The following FXYD5 variants were observed in gnomAD, a reference collection of about 807,000 sequenced individuals.
FXYD5 encodes FXYD domain containing ion transport regulator 5.
FXYD5 carries 21 observed loss-of-function variants against 25.7 expected under a neutral mutation model. The ratio of observed to expected loss-of-function variants is 0.82; its 90% confidence interval spans 0.58 to 1.18. The LOEUF is 1.18. Among genes scored for constraint, FXYD5 ranks in the 50% most tolerant of loss-of-function variants. FXYD5 has a pLI of 0.00. For missense variants in FXYD5, 229 were observed against 227.7 expected (o/e 1.01, Z -0.04); for synonymous variants, 101 against 90.7 (o/e 1.11, Z -0.64).
intron 1 of FXYD5, chr19:35,155,281 G>A: frequency 1.8e-6 from 1 of 542,362 alleles, no homozygotes; most frequent in Non-Finnish European, 3.3e-6. Context: ...AGGAGTGCCC[G>A]CCGGCCCTTG....
At position 35,157,507 on chromosome 19, in the gene FXYD5, G is replaced by A. The variant is rs1436038038; in HGVS notation, c.142+6G>A. 14 of 1,402,824 alleles carry A rather than the reference G, an allele frequency of 1.0e-5. No homozygotes were observed. The highest frequency in any genetic ancestry group is 1.2e-5 in the Non-Finnish European group (12 of 988,136). 86.9% of individuals were successfully genotyped at this position (1,402,824 alleles called of 1,614,324 possible). On this transcript the variant is annotated splice_donor_region_variant and intron_variant, in intron 3 of 8. Transcript: ENST00000392219. ...GGTCCCGACACGAGCCCCAGGTGAG[G>A]AAAGGGACACATCTATCAAGATCCT... is the stretch of plus-strand genomic sequence containing the variant.
At chr19:35,168,526 G>T (rs1392236110) in intron 8 of FXYD5, among the ~76,000 whole-genome samples, 2 of 152,186 alleles carry the variant, frequency 1.3e-5, no homozygotes, top group African/African-American at 2.4e-5. Flanking sequence ...GGACAGGGTA[G>T]GTTGGGGGAG....
At chr19:35,159,798 C>T in intron 4 of FXYD5, 1 of 887,702 alleles carries the variant, frequency 1.1e-6, no homozygotes, top group Non-Finnish European at 1.6e-6. Context: ...TTCAAGGTCT[C>T]ACAACAAGTC....
chr19:35,156,277 A>C (rs1015152910), intron 2 of FXYD5, among the ~76,000 whole-genome samples: 2 of 152,212 alleles, frequency 1.3e-5, no homozygotes, highest in African/African-American at 4.8e-5. Context: ...TGCATGCCCC[A>C]CTGAAGGCGC....
chr19:35,168,209 G>A (rs1216545923), intron 8 of FXYD5, among the ~76,000 whole-genome samples: 3 of 152,190 alleles, frequency 2.0e-5, no homozygotes, highest in Non-Finnish European at 4.4e-5. Context: ...AACCTGTGCT[G>A]GGTGATGCTG....
At chr19:35,160,500 C>T (rs754387869) in intron 4 of FXYD5, among the ~76,000 whole-genome samples, 15 of 152,142 alleles carry the variant, frequency 9.9e-5, no homozygotes, top group Non-Finnish European at 2.1e-4. Flanking sequence ...GCATGAGCGA[C>T]CACGCCCAGC....
At chr19:35,163,777 C>G (rs1003512152) in intron 5 of FXYD5, among the ~76,000 whole-genome samples, 5 of 152,122 alleles carry the variant, frequency 3.3e-5, no homozygotes, top group Non-Finnish European at 2.9e-5. Context: ...GCCACTGCAC[C>G]CAGCCAATAT....
intron 8 of FXYD5, among the ~76,000 whole-genome samples, chr19:35,168,188 A>C (rs1292092413): frequency 1.3e-5 from 2 of 152,084 alleles, no homozygotes; most frequent in Non-Finnish European, 2.9e-5. Context: ...GTGGGCTCCT[A>C]GTCTGTGCCA....
At chr19:35,155,482 T>G in intron 1 of FXYD5, 69 bp from the exon 2 acceptor site, 1 of 1,284,180 alleles carries the variant, frequency 7.8e-7, no homozygotes, top group Non-Finnish European at 1.1e-6. Context: ...GGCTGCAGGA[T>G]CCCCGGGGGC....
At chr19:35,155,672 G>A (rs1308596979) in intron 2 of FXYD5, 61 bp downstream of exon 2, 1 of 1,207,450 alleles carries the variant, frequency 8.3e-7, no homozygotes, top group Non-Finnish European at 1.2e-6. Context: ...AGCCCCACGT[G>A]TGCTGCGGGG....
In FXYD5 at chr19:35,159,475, A is replaced by G. The variant is rs1382283187; in HGVS notation, c.199+1075A>G. On this transcript the variant is annotated intron_variant, in intron 4 of 8. Transcript: ENST00000392219. ...GAAGTTCTTCTCACATCACTGCATAAAGACTTGTTTTGTTTTCTCTCCTGC... is the reference window on the plus strand; with the variant it reads ...GAAGTTCTTCTCACATCACTGCATAGAGACTTGTTTTGTTTTCTCTCCTGC... 5 of 1,547,288 alleles carry G rather than the reference A, an allele frequency of 3.2e-6. No homozygotes were observed. In the South Asian group the frequency reaches 6.0e-5, roughly 19 times the overall value.
chr19:35,164,487 T>C (rs2145424957), intron 6 of FXYD5, among the ~76,000 whole-genome samples: 1 of 152,348 alleles, frequency 6.6e-6, no homozygotes, highest in East Asian at 1.9e-4. Context: ...AACCATTTAT[T>C]TAGCTCTCAT....
chr19:35,158,911 G>T (rs996019747), intron 4 of FXYD5, among the ~76,000 whole-genome samples: 7 of 152,012 alleles, frequency 4.6e-5, no homozygotes, highest in Non-Finnish European at 7.4e-5. Context: ...TGGATCACTT[G>T]AGCTCAGGAG....
rs1171498275 is a variant in FXYD5 at position 35,169,782 on chromosome 19, C to T, written c.*167C>T. On this transcript the variant is annotated 3_prime_UTR_variant, in exon 9 of 9. Transcript: ENST00000392219. ...CTGCCGGTCCGAGTCTCCTACCTCC[C>T]CCAACCCTGCCCGCCCCTGAAGGCT... The T allele has an allele frequency of 1.5e-5, 9 of 614,596 alleles. No individual in the cohort carries two copies. The highest frequency in any genetic ancestry group is 2.8e-5 in the East Asian group (1 of 36,070). The allele number at this position is 614,596 out of a possible 1,614,324, so 38.1% of individuals were successfully genotyped here.
rs1267363816 is a variant in FXYD5, at chr19:35,154,810, G to GT, written c.-1+2dup. The stretch of plus-strand genomic sequence containing the variant: ...CCGGCTTAGGACCCCCAGCTCCGAC[G>GT]TAAGTCCCTCTCGTGCGCCACCTCC... On this transcript the variant is annotated splice_donor_variant, in intron 1 of 8. Transcript: ENST00000392219. LOFTEE classifies it low-confidence loss of function (5UTR_SPLICE). 1 of 153,848 alleles carries GT rather than the reference G, an allele frequency of 6.5e-6. No individual in the cohort carries two copies. Among genetic ancestry groups the GT allele is most frequent in the Non-Finnish European group, 1.4e-5 (1 of 69,160 alleles). The allele number at this position is 153,848 out of a possible 1,614,324, so 9.5% of individuals were successfully genotyped here.
intron 2 of FXYD5, 52 bp downstream of exon 2, chr19:35,155,663 G>A (rs1176419144): frequency 1.5e-6 from 2 of 1,344,450 alleles, no homozygotes; most frequent in Admixed American, 1.7e-5. Flanking sequence ...AGCCAGGCCA[G>A]CCCCACGTGT....
chr19:35,161,427 T>G, intron 5 of FXYD5, among the ~76,000 whole-genome samples: 1 of 152,178 alleles, frequency 6.6e-6, no homozygotes, highest in Non-Finnish European at 1.5e-5. Flanking sequence ...AGTTCTAACT[T>G]TAGGTCACAT....
At chr19:35,162,143 T>C (rs2065411918) in intron 5 of FXYD5, among the ~76,000 whole-genome samples, 3 of 152,206 alleles carry the variant, frequency 2.0e-5, no homozygotes, top group South Asian at 4.1e-4. Context: ...AGTTGCTCTA[T>C]GTATTGGTCC....
Position 35,155,765 on chromosome 19 carries a change from G to A in FXYD5, c.61+154G>A, listed in dbSNP as rs189235259. 4.3e-4 allele frequency among the ~76,000 whole-genome samples: 66 copies of A among 152,312 alleles called. No individual in the cohort carries two copies. The East Asian group carries it at 0.012, about 28-fold the overall frequency. On this transcript the variant is annotated intron_variant, in intron 2 of 8. Coordinates refer to ENST00000392219, the MANE Select transcript of FXYD5 (RefSeq NM_014164.6). The stretch of plus-strand genomic sequence containing the variant: ...ACCAGGAAGTGGGGATCCCTATGGC[G>A]GGGCGACGTTACACCCTCTTTGGAC...
Sources: allele counts gnomAD v4.1 joint callset (sites outside exome capture counted in the v4.1 genomes callset), GRCh38; gene constraint gnomAD v4.1.1; transcripts MANE v1.5; gene names NCBI Gene and HGNC (gene_info 2026-07-23, HGNC 2026-07-21).